Variants in BAIAP3 observed in about 807,000 individuals in gnomAD.
The protein encoded by BAIAP3 is BAI1-associated protein 3.
In BAIAP3, 180 loss-of-function variants were observed where a neutral mutation model predicts 149.7. The ratio of observed to expected loss-of-function variants is 1.20; its 90% CI spans 1.07 to 1.36. The LOEUF (loss-of-function observed/expected upper bound fraction) is 1.36. BAIAP3 is among the 40% of genes most tolerant of loss of function. BAIAP3 has a pLI of 0.00. For synonymous variants in BAIAP3, 845 were observed against 670.7 expected (o/e 1.26, Z -4.02); for missense variants, 1,767 against 1,563.4 (o/e 1.13, Z -2.20).
chr16:1,346,150 C>T lies in BAIAP3; in HGVS notation c.2302-20C>T. 1 of 1,608,928 alleles carries T rather than the reference C, an allele frequency of 6.2e-7. No homozygotes were observed. The highest frequency in any genetic ancestry group is 1.1e-5 in the South Asian group (1 of 90,906). On this transcript the variant is annotated intron_variant, in intron 24 of 33. Coordinates refer to ENST00000426824, the MANE Select transcript of BAIAP3 (RefSeq NM_001199097.2). ...TCACCAGGCCCCGGACCCATCGTTG[C>T]CTGGCCACACCTCCTCCAGCTCTGC...
chr16:1,345,453 C>A, intron 22 of BAIAP3, 81 bp downstream of exon 22: 1 of 1,441,836 alleles, frequency 6.9e-7, no homozygotes, highest in Admixed American at 2.1e-5. Context: ...CCCCAGCCTC[C>A]CCAGCAACCC....
chr16:1,338,739 C>T (rs1259499560), intron 2 of BAIAP3, 59 bp downstream of exon 2: 2 of 1,560,396 alleles, frequency 1.3e-6, no homozygotes, highest in Admixed American at 1.9e-5. Context: ...CCAGACTTCA[C>T]ACATGGCCGC....
intron 12 of BAIAP3, 42 bp downstream of exon 12, chr16:1,342,676 G>A (rs376434277): frequency 3.1e-6 from 5 of 1,610,698 alleles, no homozygotes; most frequent in Non-Finnish European, 4.2e-6. Context: ...CCCGTCCTTG[G>A]GGCGGGGGCA....
chr16:1,346,126 C>T (rs766907863), intron 24 of BAIAP3, 44 bp from the exon 25 acceptor site: 9 of 1,605,440 alleles, frequency 5.6e-6, no homozygotes, highest in Non-Finnish European at 6.8e-6. Flanking sequence ...GGGGGGCCAT[C>T]ACCAGGCCCC....
chr16:1,343,408 C>A lies in BAIAP3; in HGVS notation c.1281C>A (p.Ser427Arg). The change falls in exon 15 of 34, where the codon AGC (serine) becomes AGA (arginine). Residue 427 changes from serine to arginine, a missense_variant. Transcript: ENST00000426824. ...GGCCCCACAGGCACTGGCAGGTCAGCAGCCGCCACCATCAAACCTGCACGC... is the reference window on the plus strand; with the variant it reads ...GGCCCCACAGGCACTGGCAGGTCAGAAGCCGCCACCATCAAACCTGCACGC... ...LQLAVLHWQV[S>R]SRHHQTCTLD... The A allele has an allele frequency of 6.4e-7, 1 of 1,567,088 alleles. No individual in the cohort carries two copies. Among genetic ancestry groups the A allele is most frequent in the Non-Finnish European group, 8.6e-7 (1 of 1,158,364 alleles).
At position 1,338,890 on chromosome 16, in the gene BAIAP3, CTCTT is replaced by C. The variant is rs774078922; in HGVS notation, c.132-8_132-5del. On this transcript the variant is annotated splice_region_variant and splice_polypyrimidine_tract_variant and intron_variant, in intron 2 of 33. Coordinates refer to ENST00000426824, the MANE Select transcript of BAIAP3 (RefSeq NM_001199097.2). Reference sequence around the variant, plus strand: ...TGCTGAGAGCTGTGAGCTGACCCGGCTCTTTCTCCAGGAAACCCGGGGATGGCGT... The same window carrying C: ...TGCTGAGAGCTGTGAGCTGACCCGGCTCTCCAGGAAACCCGGGGATGGCGT... 2 of 1,612,658 alleles carry C rather than the reference CTCTT, an allele frequency of 1.2e-6. No homozygotes were observed. Among genetic ancestry groups the C allele is most frequent in the African/African-American group, 2.7e-5 (2 of 74,936 alleles).
intron 1 of BAIAP3, 93 bp from the exon 2 acceptor site, chr16:1,338,447 C>A: frequency 2.8e-6 from 1 of 363,442 alleles, no homozygotes. Context: ...TGCCCCACCT[C>A]TTCCCGCCCC....
rs747822513 is a variant in BAIAP3 at position 1,346,337 on chromosome 16, G to A, written c.2469G>A (p.Thr823=). ...LDDDLQREAH[T]VTAHLTSKMV... ...ATGATCTGCAACGGGAGGCCCACACGGTGACAGCGCACCTGACCTCTAAGG... is the reference window on the plus strand; with the variant it reads ...ATGATCTGCAACGGGAGGCCCACACAGTGACAGCGCACCTGACCTCTAAGG... Residue 823 remains threonine (T), a synonymous_variant, in exon 25 of 34, where the codon ACG becomes ACA. Coordinates refer to ENST00000426824, the MANE Select transcript of BAIAP3 (RefSeq NM_001199097.2). 1.5e-5 allele frequency: 24 copies of A among 1,604,724 alleles called. No individual in the cohort carries two copies. The highest frequency in any genetic ancestry group is 4.4e-5 in the South Asian group (4 of 90,818).
rs1291548483 is a variant in BAIAP3, at chr16:1,346,480, T to A, written c.2532T>A (p.Ser844Arg). The change falls in exon 26 of 34, where the codon AGT becomes AGA. Residue 844 changes from serine (S) to arginine (R), a missense_variant. Ser to Arg is a moderately radical substitution (Grantham distance 110, BLOSUM62 -1). Transcript: ENST00000426824. ...GDIRKYVQHI[S>R]LSPDSIQNDE... is the part of the protein sequence containing the mutation. Reference sequence around the variant, plus strand: ...TCCGCAAGTATGTACAGCACATCAGTCTCTCGCCTGACTCCATCCAGAACG... The same window carrying A: ...TCCGCAAGTATGTACAGCACATCAGACTCTCGCCTGACTCCATCCAGAACG... 3 of 1,612,220 alleles carry A rather than the reference T, an allele frequency of 1.9e-6. No homozygotes were observed. In the East Asian group the frequency reaches 6.7e-5, roughly 36 times the overall value.
At position 1,347,507 on chromosome 16, in the gene BAIAP3, G is replaced by A. The variant is rs938600120; in HGVS notation, c.2824-38G>A. On this transcript the variant is annotated intron_variant, in intron 29 of 33. Transcript: ENST00000426824. ...CTCCAAGTGCCAGCGCTGACCACCA[G>A]CACCCAGGGGCCCCTCCTGATGCGC... is the stretch of plus-strand genomic sequence containing the variant. 2.0e-6 allele frequency: 3 copies of A among 1,483,984 alleles called. No individual in the cohort carries two copies. The African/African-American group carries it at 5.3e-5, about 26-fold the overall frequency. 91.9% of individuals were successfully genotyped at this position (1,483,984 alleles called of 1,614,324 possible). A position where few individuals can be genotyped will look rare whatever the true frequency, so the allele number is the denominator to read the frequency against.
chr16:1,338,866 G>C (rs765860992), intron 2 of BAIAP3, 36 bp from the exon 3 acceptor site: 2 of 1,611,226 alleles, frequency 1.2e-6, no homozygotes, highest in East Asian at 4.5e-5. Flanking sequence ...GGGCCAGCGT[G>C]CTGAGAGCTG....
At chr16:1,344,568 C>A (rs781200421) in intron 18 of BAIAP3, 33 bp from the exon 19 acceptor site, 1 of 1,612,460 alleles carries the variant, frequency 6.2e-7, no homozygotes. Flanking sequence ...TACGGGCAGC[C>A]GAGAGGTGGG....
chr16:1,343,896 GCT>G, intron 15 of BAIAP3, 124 bp from the exon 16 acceptor site: 1 of 1,447,452 alleles, frequency 6.9e-7, no homozygotes, highest in Non-Finnish European at 9.4e-7. Flanking sequence ...TGTGGAGGGT[GCT>G]GCTCAGAGCA....
Position 1,348,478 on chromosome 16 carries a change from C to T in BAIAP3, c.3455C>T (p.Pro1152Leu), listed in dbSNP as rs1567175992. Reference protein sequence around the residue: ...KELEKCMEADP With the variant: ...KELEKCMEADL ...CTGGAGAAGTGCATGGAGGCGGACCCCTGAGTCCATCAGCTGCCAGCCCCG... is the reference window on the plus strand; with the variant it reads ...CTGGAGAAGTGCATGGAGGCGGACCTCTGAGTCCATCAGCTGCCAGCCCCG... The change falls in exon 34 of 34, where the codon CCC (proline) becomes CTC (leucine). Residue 1152 changes from proline to leucine, a missense_variant. Physicochemically the swap from Pro to Leu is moderately conservative, Grantham distance 98. Transcript: ENST00000426824. 3 of 1,607,630 alleles carry T rather than the reference C, an allele frequency of 1.9e-6. No individual in the cohort carries two copies. In the South Asian group the frequency reaches 3.3e-5, roughly 18 times the overall value.
At position 1,349,141 on chromosome 16, in the gene BAIAP3, T is replaced by C; in HGVS notation, c.*659T>C. The C allele has an allele frequency of 2.2e-6, 1 of 455,128 alleles. No homozygotes were observed. Among genetic ancestry groups the C allele is most frequent in the Non-Finnish European group, 4.0e-6 (1 of 248,312 alleles). The allele number at this position is 455,128 out of a possible 1,614,324, so 28.2% of individuals were successfully genotyped here. ...CAGCTGTCCTTCACGCACATATCCG[T>C]GGCCACCTGAGACCTGCTCCACGAC... On this transcript the variant is annotated 3_prime_UTR_variant, in exon 34 of 34. Transcript: ENST00000426824.
rs1460230117 is a variant in BAIAP3 at position 1,344,915 on chromosome 16, G to C, written c.1810-54G>C. 3 of 1,613,512 alleles carry C rather than the reference G, an allele frequency of 1.9e-6. No homozygotes were observed. In the African/African-American group the frequency reaches 4.0e-5, roughly 22 times the overall value. On this transcript the variant is annotated intron_variant, in intron 20 of 33. Coordinates refer to ENST00000426824, the MANE Select transcript of BAIAP3 (RefSeq NM_001199097.2). ...GGAAGTGGGCAGATGCCCTTGGCTA[G>C]GACGGTCCTGGGATTCCTTGCTGCT...
intron 1 of BAIAP3, chr16:1,336,499 C>A (rs946245477): frequency 1.9e-5 from 13 of 670,264 alleles, no homozygotes; most frequent in Admixed American, 1.3e-4. Flanking sequence ...AGCCTGCACC[C>A]AGGGCTCGGG....
chr16:1,346,426 C>T lies in BAIAP3; in HGVS notation c.2494-16C>T, dbSNP rs749833098. The stretch of plus-strand genomic sequence containing the variant: ...TGGTGCCCCCTGCCCGTGCTGAGCA[C>T]TGCTCCTGCCCTCAGATGGTGGGCG... On this transcript the variant is annotated splice_polypyrimidine_tract_variant and intron_variant, in intron 25 of 33. Transcript: ENST00000426824. 1.2e-6 allele frequency: 2 copies of T among 1,612,264 alleles called. No individual in the cohort carries two copies. The highest frequency in any genetic ancestry group is 1.7e-6 in the Non-Finnish European group (2 of 1,179,664).
chr16:1,342,792 G>A lies in BAIAP3; in HGVS notation c.1139G>A (p.Arg380Gln), dbSNP rs764285177. Reference sequence around the variant, plus strand: ...CTGCTGCTGCTCAGCCATCTGCTGCGGTTGGAGCACTCAGCAGAGGAGGTA... The same window carrying A: ...CTGCTGCTGCTCAGCCATCTGCTGCAGTTGGAGCACTCAGCAGAGGAGGTA... ...SHLLLLSHLL[R>Q]LEHSAEEPNS... The change falls in exon 13 of 34, where the codon CGG becomes CAG. Residue 380 changes from arginine to glutamine, a missense_variant. By Grantham distance (43) the Arg-to-Gln change is conservative. Coordinates refer to ENST00000426824, the MANE Select transcript of BAIAP3 (RefSeq NM_001199097.2). 1.2e-5 allele frequency: 19 copies of A among 1,612,592 alleles called. No individual in the cohort carries two copies. The highest frequency in any genetic ancestry group is 1.7e-4 in the Middle Eastern group (1 of 5,944).
Sources: gnomAD v4.1 joint callset for allele counts on GRCh38, gnomAD v4.1.1 for gene constraint, MANE v1.5 for transcripts, NCBI Gene and HGNC (gene_info 2026-07-23, HGNC 2026-07-21) for gene names.